Variants in KLK15 observed in about 807,000 individuals in gnomAD.
KLK15 encodes kallikrein related peptidase 15, also known as kallikrein-15.
KLK15 carries 19 observed loss-of-function variants against 21.1 expected under a neutral mutation model. The observed-to-expected ratio is 0.90, with a 90% CI of 0.63 to 1.32. The LOEUF (loss-of-function observed/expected upper bound fraction) is 1.32. Ranked by LOEUF, KLK15 falls within the 40% of genes most tolerant of loss-of-function variation. KLK15 has a pLI of 0.00. For missense variants in KLK15, 345 were observed against 348.6 expected (o/e 0.99, Z 0.08); for synonymous variants, 141 against 141.5 (o/e 1.00, Z 0.03).
chr19:50,825,956 G>T lies in KLK15; in HGVS notation c.619-8C>A. On this transcript the variant is annotated splice_region_variant and splice_polypyrimidine_tract_variant and intron_variant, in intron 4 of 4. Transcript: ENST00000598239. ...GGGTCCCCCAGAGTCACCCTGTGGG[G>T]AAAAGAGGGGGTCTCAGGTTGAGTG... The T allele has an allele frequency of 6.2e-7, 1 of 1,608,542 alleles. No homozygotes were observed. Among genetic ancestry groups the T allele is most frequent in the Non-Finnish European group, 8.5e-7 (1 of 1,176,718 alleles).
chr19:50,825,884 A>AC lies in KLK15; in HGVS notation c.682dup (p.Val228GlyfsTer4). The AC allele has an allele frequency of 6.2e-7, 1 of 1,613,976 alleles. No homozygotes were observed. The highest frequency in any genetic ancestry group is 8.5e-7 in the Non-Finnish European group (1 of 1,179,930). On this transcript the variant is annotated frameshift_variant, in exon 5 of 5. Transcript: ENST00000598239. LOFTEE classifies it low-confidence loss of function (END_TRUNC). ...AGGCTTGGTGGTGTTGTCACAAGGG[A>AC]CGTCACCCCAGGACACAATGCCCTG...
chr19:50,825,724 T>C, downstream of KLK15: 3 of 1,498,174 alleles, frequency 2.0e-6, no homozygotes, highest in Non-Finnish European at 2.7e-6. Flanking sequence ...TTCTGTTCCA[T>C]GTCAGGCGGG....
At chr19:50,832,766 C>T (rs528447678), upstream of KLK15, among the ~76,000 whole-genome samples, 130 of 152,234 alleles carry the variant, frequency 8.5e-4, no homozygotes, top group African/African-American at 3.0e-3. Context: ...GCATATCCAA[C>T]GCCATTCCCT....
At chr19:50,827,953 G>C in intron 1 of KLK15, 138 bp from the exon 3 acceptor site, 1 of 426,054 alleles carries the variant, frequency 2.3e-6, no homozygotes, top group Non-Finnish European at 4.0e-6. Context: ...GTTTTTGTTT[G>C]TTGTTGTTGT....
At chr19:50,828,969 C>CAAAAAA (rs3078002) in intron 1 of KLK15, among the ~76,000 whole-genome samples, 65 of 56,636 alleles carry the variant, frequency 1.1e-3, no homozygotes, top group Non-Finnish European at 1.4e-3. Context: ...AACTCCATCT[C>CAAAAAA]AAAAAAAAAA....
At chr19:50,825,835 G>A (rs769411385) in exon 5 of KLK15, 25 of 1,613,940 alleles carry the variant, frequency 1.5e-5, no homozygotes, top group South Asian at 8.8e-5. Flanking sequence ...ACTCCAAGTA[G>A]TGGCAGACTT....
exon 3 of KLK15, chr19:50,827,117 T>A: frequency 6.2e-7 from 1 of 1,602,544 alleles, no homozygotes. Flanking sequence ...CTCTGGGCCA[T>A]CGCGCTTGCG....
chr19:50,832,345 C>T (rs1461258777), upstream of KLK15, among the ~76,000 whole-genome samples: 2 of 101,618 alleles, frequency 2.0e-5, no homozygotes, highest in Non-Finnish European at 4.0e-5. Context: ...TTTTTTGAGA[C>T]GGAGTCTGGC....
intron 1 of KLK15, among the ~76,000 whole-genome samples, chr19:50,829,425 G>A (rs959825116): frequency 4.6e-5 from 7 of 151,670 alleles, no homozygotes; most frequent in African/African-American, 9.7e-5. Context: ...AGGGACATAC[G>A]TGTGAAAGTT....
At position 50,825,999 on chromosome 19, in the gene KLK15, C is replaced by A. The variant is rs1255253567; in HGVS notation, c.619-51G>T. The A allele has an allele frequency of 1.9e-6, 3 of 1,540,022 alleles. No homozygotes were observed. In the South Asian group the frequency reaches 3.5e-5, roughly 18 times the overall value. On this transcript the variant is annotated intron_variant, in intron 4 of 4. Coordinates refer to ENST00000598239, the Ensembl canonical transcript of KLK15. ...GTTGAGTGAAACCTCCTGGATTCAT[C>A]CTCATCCTAATCACCATTTGCAATC...
chr19:50,833,241 G>A (rs543265528), upstream of KLK15: 32 of 152,734 alleles, frequency 2.1e-4, no homozygotes, highest in African/African-American at 7.2e-4. Flanking sequence ...GAACTGACTT[G>A]AACCCGTGAT....
At chr19:50,826,693 C>T in exon 4 of KLK15, 1 of 1,614,098 alleles carries the variant, frequency 6.2e-7, no homozygotes, top group Non-Finnish European at 8.5e-7. Flanking sequence ...CTGGGTAGCT[C>T]TTGTCACAAG....
intron 1 of KLK15, chr19:50,831,195 C>T: frequency 2.8e-6 from 1 of 363,564 alleles, no homozygotes; most frequent in Non-Finnish European, 4.9e-6. Context: ...CAGGACTCAG[C>T]TCAGGTTTGT....
At chr19:50,828,070 A>G (rs546791232) in intron 1 of KLK15, among the ~76,000 whole-genome samples, 1 of 151,562 alleles carries the variant, frequency 6.6e-6, no homozygotes, top group African/African-American at 2.4e-5. Context: ...CTCCTGCCTC[A>G]GCCTCCCGAG....
intron 3 of KLK15, 39 bp from the exon 5 acceptor site, chr19:50,826,796 C>T (rs1162424023): frequency 6.3e-7 from 1 of 1,591,116 alleles, no homozygotes; most frequent in Admixed American, 1.7e-5. Flanking sequence ...TCCATAAATT[C>T]CGGCCCTTGT....
At chr19:50,827,455 C>G (rs528594670) in intron 2 of KLK15, among the ~76,000 whole-genome samples, 1 of 151,800 alleles carries the variant, frequency 6.6e-6, no homozygotes, top group East Asian at 1.9e-4. Context: ...AACTGAGGCT[C>G]AAAAGCTGGA....
rs77051083 is a variant in KLK15, at chr19:50,831,015, T to C, written c.43+435A>G. On this transcript the variant is annotated intron_variant, in intron 1 of 4. Transcript: ENST00000598239. ...GACTCAAGCTGGAGTCTGTCTGTGC[T>C]GTTGGCCTCTCAGCACTTGTCTAAT... 454 of 154,464 alleles carry C rather than the reference T, an allele frequency of 2.9e-3. 9 individuals carry two copies. The East Asian group carries it at 0.039, about 13-fold the overall frequency. The allele number at this position is 154,464 out of a possible 1,614,324, so 9.6% of individuals were successfully genotyped here.
intron 1 of KLK15, among the ~76,000 whole-genome samples, chr19:50,828,780 C>T (rs2089928043): frequency 6.6e-6 from 1 of 151,076 alleles, no homozygotes; most frequent in African/African-American, 2.4e-5. Context: ...CCAGCCTGGC[C>T]AATATGGGGA....
rs3078002 is a variant in KLK15, at chr19:50,828,969, CAAAAAAA to C, written c.44-1161_44-1155del. Among the ~76,000 whole-genome samples, 462 of 56,682 alleles carry C rather than the reference CAAAAAAA, an allele frequency of 8.2e-3. 4 individuals carry two copies. The highest frequency in any genetic ancestry group is 0.033 in the African/African-American group (444 of 13,626). 37.2% of individuals were successfully genotyped at this position (56,682 alleles called of 152,430 possible). On this transcript the variant is annotated intron_variant, in intron 1 of 4. Transcript: ENST00000598239. Reference sequence around the variant, plus strand: ...GGGTGACAAGAGTGAAACTCCATCTCAAAAAAAAAAAAAAAAAAAAAAAAAGAATCAC... The same window carrying C: ...GGGTGACAAGAGTGAAACTCCATCTCAAAAAAAAAAAAAAAAAAGAATCAC...
Sources: allele counts gnomAD v4.1 joint callset (sites outside exome capture counted in the v4.1 genomes callset), GRCh38; gene constraint gnomAD v4.1.1; transcripts MANE v1.5; gene names NCBI Gene and HGNC (gene_info 2026-07-23, HGNC 2026-07-21).